ZNF679: variants seen among roughly 807,000 people sequenced by gnomAD.
ZNF679 encodes hypothetical protein MGC42415.
ZNF679 carries 10 observed loss-of-function variants against 13.4 expected under a neutral mutation model. The ratio of observed to expected loss-of-function variants is 0.75; its 90% CI spans 0.46 to 1.27. The LOEUF is 1.27. Ranked by LOEUF, ZNF679 falls within the 50% of genes most tolerant of loss-of-function variation. ZNF679 has a pLI of 0.00. For synonymous variants in ZNF679, 179 were observed against 162.5 expected (o/e 1.10, Z -0.77); for missense variants, 525 against 477.8 (o/e 1.10, Z -0.92).
At chr7:64,252,269 G>A (rs569433637) in intron 2 of ZNF679, among the ~76,000 whole-genome samples, 1 of 152,128 alleles carries the variant, frequency 6.6e-6, no homozygotes, top group South Asian at 2.1e-4. Flanking sequence ...TCCCTGGGTT[G>A]GTCACCTTGA....
At chr7:64,263,201 T>C (rs1164605689) in intron 4 of ZNF679, among the ~76,000 whole-genome samples, 1 of 152,044 alleles carries the variant, frequency 6.6e-6, no homozygotes, top group African/African-American at 2.4e-5. Context: ...AAGTAATCCT[T>C]CCACCTTGGC....
chr7:64,259,934 GA>G (rs1238773997), intron 2 of ZNF679, among the ~76,000 whole-genome samples: 17 of 137,736 alleles, frequency 1.2e-4, no homozygotes, highest in Admixed American at 7.2e-4. Flanking sequence ...TCTCCAAAAG[GA>G]AAAAAAAAAG....
At position 64,260,922 on chromosome 7, in the gene ZNF679, A is replaced by C; in HGVS notation, c.255A>C (p.Lys85Asn). ...TAAAGAGAAATGAGATGGTAACCAA[A>C]CACCCAGGTAAGTGAGAGTGGATGA... ...WNIKRNEMVT[K>N]HPVMCSHFTQ... The change falls in exon 4 of 5, where the codon AAA (lysine) becomes AAC (asparagine). Residue 85 changes from lysine (K) to asparagine (N), a missense_variant. Transcript: ENST00000421025. 2 of 1,610,000 alleles carry C rather than the reference A, an allele frequency of 1.2e-6. No individual in the cohort carries two copies. The highest frequency in any genetic ancestry group is 1.7e-6 in the Non-Finnish European group (2 of 1,178,630).
intron 3 of ZNF679, 27 bp downstream of exon 3, chr7:64,260,374 C>T (rs1562847339): frequency 1.3e-6 from 2 of 1,577,694 alleles, no homozygotes; most frequent in South Asian, 2.4e-5. Flanking sequence ...TACACAATTC[C>T]TAATATATTT....
At chr7:64,264,876 C>G (rs1290960251) in intron 4 of ZNF679, among the ~76,000 whole-genome samples, 1 of 151,830 alleles carries the variant, frequency 6.6e-6, no homozygotes, top group Non-Finnish European at 1.5e-5. Context: ...TTCTTCATTT[C>G]TTACATTATT....
intron 1 of ZNF679, among the ~76,000 whole-genome samples, chr7:64,243,307 T>C (rs1239883332): frequency 1.3e-5 from 2 of 152,100 alleles, no homozygotes; most frequent in Admixed American, 1.3e-4. Flanking sequence ...GGGCAGAGAC[T>C]AGGAGGGAGA....
intron 1 of ZNF679, among the ~76,000 whole-genome samples, chr7:64,231,549 G>A (rs141281476): frequency 2.7e-4 from 41 of 152,252 alleles, no homozygotes; most frequent in Middle Eastern, 3.4e-3. Context: ...ATGTCACATA[G>A]TTTATGGGCT....
At chr7:64,248,976 G>C (rs906982738) in intron 1 of ZNF679, 52 bp from the exon 2 acceptor site, 33 of 1,226,102 alleles carry the variant, frequency 2.7e-5, no homozygotes, top group Non-Finnish European at 3.1e-5. Context: ...CAGCTGGAGA[G>C]AACAGGATGC....
intron 1 of ZNF679, among the ~76,000 whole-genome samples, chr7:64,236,864 A>AAAG (rs149040555): frequency 0.032 from 4,718 of 148,196 alleles, 172 homozygotes; most frequent in East Asian, 0.16. Context: ...AGAAAGAAAA[A>AAAG]AAGAAAGAAG....
At chr7:64,233,253 C>CAAAAAAAAAAAAAA (rs71060564) in intron 1 of ZNF679, among the ~76,000 whole-genome samples, 3 of 126,250 alleles carry the variant, frequency 2.4e-5, no homozygotes. Context: ...AACAAATAAA[C>CAAAAAAAAAAAAAA]AAAAAAAAAA....
chr7:64,247,869 T>TA (rs398111415), intron 1 of ZNF679, among the ~76,000 whole-genome samples: 3 of 151,864 alleles, frequency 2.0e-5, no homozygotes, highest in Non-Finnish European at 2.9e-5. Context: ...TTTTTTTTTT[T>TA]ACTTTTTAAT....
chr7:64,235,954 T>TA (rs941347107), intron 1 of ZNF679, among the ~76,000 whole-genome samples: 83 of 152,108 alleles, frequency 5.5e-4, no homozygotes, highest in African/African-American at 1.7e-3. Context: ...TGTATCTAAA[T>TA]AAAAAAAATT....
chr7:64,256,973 G>C (rs569838047), intron 2 of ZNF679, among the ~76,000 whole-genome samples: 2 of 152,264 alleles, frequency 1.3e-5, no homozygotes, highest in African/African-American at 4.8e-5. Flanking sequence ...TGGGATTATA[G>C]TCGTGAGCCA....
intron 1 of ZNF679, among the ~76,000 whole-genome samples, chr7:64,246,230 C>T (rs1584230239): frequency 6.6e-6 from 1 of 152,158 alleles, no homozygotes; most frequent in Non-Finnish European, 1.5e-5. Context: ...CTCTAACTCC[C>T]CTAAATTGGG....
intron 4 of ZNF679, 42 bp downstream of exon 4, chr7:64,260,971 G>A (rs556360416): frequency 1.9e-6 from 3 of 1,572,906 alleles, no homozygotes; most frequent in East Asian, 4.5e-5. Flanking sequence ...GATGAGAGGT[G>A]CAAAAGTCAA....
rs760999849 is a variant in ZNF679 at position 64,266,409 on chromosome 7, G to A, written c.776G>A (p.Arg259Lys). The A allele has an allele frequency of 1.2e-5, 20 of 1,610,062 alleles. No homozygotes were observed. The highest frequency in any genetic ancestry group is 1.7e-5 in the Admixed American group (1 of 59,628). ...TGGTCCTCAACCCTTACTAAACATA[G>A]GAGAATTCATACTGGAGAAAAACCC... ...FTWSSTLTKH[R>K]RIHTGEKPYT... The change falls in exon 5 of 5, where the codon AGG becomes AAG. Residue 259 changes from arginine (R) to lysine (K), a missense_variant. Transcript: ENST00000421025.
At chr7:64,258,545 A>C (rs1788034916) in intron 2 of ZNF679, among the ~76,000 whole-genome samples, 1 of 151,438 alleles carries the variant, frequency 6.6e-6, no homozygotes, top group Non-Finnish European at 1.5e-5. Flanking sequence ...TATTAAAAAT[A>C]CAAAAATCAG....
Position 64,249,028 on chromosome 7 carries a change from A to C in ZNF679, c.-90A>C, listed in dbSNP as rs995632514. 1.3e-6 allele frequency: 2 copies of C among 1,585,672 alleles called. No homozygotes were observed. Among genetic ancestry groups the C allele is most frequent in the African/African-American group, 2.7e-5 (2 of 74,082 alleles). Reference sequence around the variant, plus strand: ...GTCCTTTGTGTTTCTCTGCGTCCAGAGCTCCAGTTCTTCTCTTCACTGCTC... The same window carrying C: ...GTCCTTTGTGTTTCTCTGCGTCCAGCGCTCCAGTTCTTCTCTTCACTGCTC... On this transcript the variant is annotated splice_region_variant and 5_prime_UTR_variant, in exon 2 of 5. Transcript: ENST00000421025.
chr7:64,237,915 G>C (rs370505893), intron 1 of ZNF679, among the ~76,000 whole-genome samples: 1 of 152,250 alleles, frequency 6.6e-6, no homozygotes, highest in South Asian at 2.1e-4. Context: ...AGAAAAGTGG[G>C]AGAGAAAGAT....
Sources: allele counts gnomAD v4.1 joint callset (sites outside exome capture counted in the v4.1 genomes callset), GRCh38; gene constraint gnomAD v4.1.1; transcripts MANE v1.5; gene names NCBI Gene and HGNC (gene_info 2026-07-23, HGNC 2026-07-21).